The following DNAH11 variants were observed in gnomAD, a reference collection of about 807,000 sequenced individuals.
The protein encoded by DNAH11 is axonemal beta dynein heavy chain 11.
A neutral mutation model predicts 526.0 loss-of-function variants in DNAH11; 442 were observed. That is an observed-to-expected ratio of 0.84 (90% confidence interval 0.78 to 0.91). The LOEUF is 0.91. Among genes scored for constraint, DNAH11 ranks in the 40% least tolerant of loss-of-function variants. DNAH11 has a pLI of 0.00. For missense variants in DNAH11, 6,989 were observed against 5,448.7 expected (o/e 1.28, Z -8.90); for synonymous variants, 2,461 against 1,935.9 (o/e 1.27, Z -7.12).
chr7:21,877,944 C>G (rs1783783399), intron 74 of DNAH11, among the ~76,000 whole-genome samples: 1 of 150,402 alleles, frequency 6.6e-6, no homozygotes, highest in Non-Finnish European at 1.5e-5. Flanking sequence ...TTTTGGCTCC[C>G]TTCACACCCA....
At chr7:21,800,030 A>G (rs1196942576) in intron 61 of DNAH11, among the ~76,000 whole-genome samples, 1 of 152,210 alleles carries the variant, frequency 6.6e-6, no homozygotes, top group Non-Finnish European at 1.5e-5. Context: ...AAAATACCTT[A>G]GTCAAAAAAG....
chr7:21,693,414 G>A (rs1352832144), intron 35 of DNAH11, among the ~76,000 whole-genome samples: 1 of 152,096 alleles, frequency 6.6e-6, no homozygotes, highest in Non-Finnish European at 1.5e-5. Flanking sequence ...ATGCCATGAG[G>A]GTTATTGTTC....
chr7:21,702,759 C>G lies in DNAH11; in HGVS notation c.6230C>G (p.Ala2077Gly). The G allele has an allele frequency of 6.2e-7, 1 of 1,613,550 alleles. No individual in the cohort carries two copies. Among genetic ancestry groups the G allele is most frequent in the Non-Finnish European group, 8.5e-7 (1 of 1,179,736 alleles). Residue 2077 changes from alanine to glycine, a missense_variant, in exon 37 of 82, where the codon GCT becomes GGT. By Grantham distance (60) the Ala-to-Gly change is moderately conservative. Coordinates refer to ENST00000409508, the MANE Select transcript of DNAH11 (RefSeq NM_001277115.2). Reference sequence around the variant, plus strand: ...GCTATTAAGTCTGTCTTGGTTGTGGCTGGATCTCTGAAACGAGGAGATAAA... The same window carrying G: ...GCTATTAAGTCTGTCTTGGTTGTGGGTGGATCTCTGAAACGAGGAGATAAA... ...LRAIKSVLVVAGSLKRGDKNR... is the reference protein window; with the variant it reads ...LRAIKSVLVVGGSLKRGDKNR...
At chr7:21,691,698 TAATA>T (rs2128475233) in intron 35 of DNAH11, among the ~76,000 whole-genome samples, 1 of 152,344 alleles carries the variant, frequency 6.6e-6, no homozygotes, top group African/African-American at 2.4e-5. Context: ...TCTCTTCATT[TAATA>T]TTTTGACATA....
chr7:21,773,708 T>TA, intron 55 of DNAH11, 58 bp from the exon 56 acceptor site: 1 of 1,223,710 alleles, frequency 8.2e-7, no homozygotes, highest in Non-Finnish European at 1.1e-6. Context: ...TGATTTTTTT[T>TA]AAGTTGTATT....
At chr7:21,594,258 A>T (rs1185117562) in intron 14 of DNAH11, among the ~76,000 whole-genome samples, 2 of 152,120 alleles carry the variant, frequency 1.3e-5, no homozygotes, top group Non-Finnish European at 2.9e-5. Flanking sequence ...GAAATAGATT[A>T]CGGTTTTCCT....
Position 21,901,406 on chromosome 7 carries a change from A to ATTCT in DNAH11, c.*152_*153insTTCT. 2.7e-6 allele frequency: 3 copies of ATTCT among 1,121,170 alleles called. No individual in the cohort carries two copies. The highest frequency in any genetic ancestry group is 5.8e-5 in the East Asian group (2 of 34,318). 69.5% of individuals were successfully genotyped at this position (1,121,170 alleles called of 1,614,324 possible). A position where few individuals can be genotyped will look rare whatever the true frequency, so the allele number is the denominator to read the frequency against. On this transcript the variant is annotated 3_prime_UTR_variant, in exon 82 of 82. Transcript: ENST00000409508. ...CTATCCTTAGAGTGAAAGTCAGAAA[A>ATTCT]AAATACTAGAAACTAACTCAGGGCT...
At chr7:21,578,180 A>G (rs1784172771) in intron 8 of DNAH11, among the ~76,000 whole-genome samples, 1 of 152,146 alleles carries the variant, frequency 6.6e-6, no homozygotes. Flanking sequence ...CAAAGAGTAA[A>G]TTCACCCTCC....
In DNAH11 at chr7:21,735,655, A is replaced by G. The variant is rs752787517; in HGVS notation, c.7456A>G (p.Thr2486Ala). 2.5e-6 allele frequency: 4 copies of G among 1,594,208 alleles called. No homozygotes were observed. The highest frequency in any genetic ancestry group is 3.4e-6 in the Non-Finnish European group (4 of 1,169,128). ...DVPLQTVLVH[T>A]TETARLRYFM... ...CTCCTCCCAGACAGTTCTCGTTCAC[A>G]CAACAGAGACAGCTCGTCTTAGATA... The change falls in exon 46 of 82, where the codon ACA becomes GCA. Residue 2486 changes from threonine to alanine, a missense_variant. Physicochemically the swap from Thr to Ala is moderately conservative, Grantham distance 58 (BLOSUM62 0). Coordinates refer to ENST00000409508, the MANE Select transcript of DNAH11 (RefSeq NM_001277115.2).
At chr7:21,812,685 G>A (rs1384391721) in intron 63 of DNAH11, among the ~76,000 whole-genome samples, 1 of 152,016 alleles carries the variant, frequency 6.6e-6, no homozygotes, top group Non-Finnish European at 1.5e-5. Flanking sequence ...AGAGAGGTGG[G>A]AAGGGAGGAA....
At chr7:21,760,778 T>A (rs1231059806) in intron 54 of DNAH11, among the ~76,000 whole-genome samples, 3 of 152,086 alleles carry the variant, frequency 2.0e-5, no homozygotes, top group African/African-American at 7.2e-5. Flanking sequence ...TCCATTAGAG[T>A]CCATGAAATG....
chr7:21,682,737 G>C (rs1272128530), intron 31 of DNAH11, among the ~76,000 whole-genome samples: 1 of 152,018 alleles, frequency 6.6e-6, no homozygotes, highest in Non-Finnish European at 1.5e-5. Flanking sequence ...ATTGTGAAGT[G>C]TTTCTGTGTT....
chr7:21,861,928 C>G lies in DNAH11; in HGVS notation c.11278C>G (p.Leu3760Val). The G allele has an allele frequency of 6.2e-7, 1 of 1,613,452 alleles. No individual in the cohort carries two copies. Among genetic ancestry groups the G allele is most frequent in the Non-Finnish European group, 8.5e-7 (1 of 1,179,574 alleles). ...VEDMQGRISI[L>V]MESITHAVFL... ...AGACATGCAGGGACGCATCTCTATC[C>G]TGATGGAGAGCATCACCCATGCTGT... Residue 3760 changes from leucine (L) to valine (V), a missense_variant, in exon 69 of 82, where the codon CTG (leucine) becomes GTG (valine). Physicochemically the swap from Leu to Val is conservative, Grantham distance 32 (BLOSUM62 1). Transcript: ENST00000409508.
chr7:21,655,948 C>T lies in DNAH11; in HGVS notation c.5061C>T (p.Val1687=). The change falls in exon 29 of 82, where the codon GTC becomes GTT. Residue 1687 remains valine (V), a synonymous_variant. Transcript: ENST00000409508. ...TGTACAGCAAAGAAAAGGAGTATGT[C>T]CCATTCCAAGCCGAGTGTGAATGTG... is the stretch of plus-strand genomic sequence containing the variant. The part of the protein sequence containing the change: ...VGMYSKEKEY[V]PFQAECECVG... The T allele has an allele frequency of 6.2e-7, 1 of 1,609,988 alleles. No homozygotes were observed. The highest frequency in any genetic ancestry group is 8.5e-7 in the Non-Finnish European group (1 of 1,177,794).
intron 74 of DNAH11, among the ~76,000 whole-genome samples, chr7:21,876,436 A>C (rs1191996578): frequency 6.6e-6 from 1 of 152,248 alleles, no homozygotes; most frequent in Admixed American, 6.5e-5. Flanking sequence ...ATATAATTCA[A>C]GGGATTTAGC....
intron 56 of DNAH11, among the ~76,000 whole-genome samples, chr7:21,777,036 C>T (rs547262070): frequency 6.6e-6 from 1 of 152,084 alleles, no homozygotes; most frequent in South Asian, 2.1e-4. Flanking sequence ...AAACTTCCAT[C>T]TACAGAAAGA....
intron 18 of DNAH11, 104 bp downstream of exon 18, chr7:21,601,722 C>G: frequency 1.2e-6 from 1 of 817,644 alleles, no homozygotes; most frequent in East Asian, 2.8e-5. Context: ...ACAATCTATA[C>G]TGTACACATT....
chr7:21,788,341 G>A (rs781363504), intron 60 of DNAH11, among the ~76,000 whole-genome samples: 4 of 152,130 alleles, frequency 2.6e-5, no homozygotes, highest in Non-Finnish European at 4.4e-5. Flanking sequence ...ATACTGTGGG[G>A]CCCACAGGGA....
At chr7:21,823,037 G>T (rs965419700) in intron 65 of DNAH11, among the ~76,000 whole-genome samples, 4 of 130,758 alleles carry the variant, frequency 3.1e-5, no homozygotes, top group Admixed American at 1.8e-4. Flanking sequence ...TGATCAGAAG[G>T]ATAGTTTGCA....
Sources: allele counts gnomAD v4.1 joint callset (sites outside exome capture counted in the v4.1 genomes callset), GRCh38; gene constraint gnomAD v4.1.1; transcripts MANE v1.5; gene names NCBI Gene and HGNC (gene_info 2026-07-23, HGNC 2026-07-21).